The following PDZD4 variants were observed in gnomAD, a reference collection of about 807,000 sequenced individuals.
The protein encoded by PDZD4 is PDZ domain containing 4, also known as PDZ domain-containing protein 4.
In PDZD4, 9 loss-of-function variants were observed where a neutral mutation model predicts 38.5. That is an observed-to-expected ratio of 0.23 (90% confidence interval 0.14 to 0.41). PDZD4 has a LOEUF of 0.41. Among genes scored for constraint, PDZD4 ranks in the 10% least tolerant of loss-of-function variants. The pLI, the probability that PDZD4 is intolerant of heterozygous loss-of-function variation, is 1.00. For missense variants in PDZD4, 612 were observed against 722.0 expected, an observed-to-expected ratio of 0.85 and a Z score of 1.75; for synonymous variants, 349 against 315.7, an observed-to-expected ratio of 1.11 and a Z score of -1.12.
At chrX:153,807,791 C>A (rs1484490885) in intron 2 of PDZD4, 4 of 937,996 alleles carry the variant, frequency 4.3e-6, no homozygotes, top group Admixed American at 3.2e-5. Context: ...CACCCTACCT[C>A]CAGGGGCTGC....
rs781896560 is a variant in PDZD4 at position 153,803,261 on chromosome X, G to GCA, written c.*90_*91dup. ...GTGCGCACAGCGAGCACGCGCGCGCGCACACACACACACACACAATCTCTA... is the reference window on the plus strand; with the variant it reads ...GTGCGCACAGCGAGCACGCGCGCGCGCACACACACACACACACACAATCTCTA... On this transcript the variant is annotated 3_prime_UTR_variant, in exon 8 of 8. Coordinates refer to ENST00000393758, the MANE Select transcript of PDZD4 (RefSeq NM_001303512.2). The GCA allele has an allele frequency of 4.2e-3, 2,415 of 576,196 alleles. 5 individuals carry two copies. Among genetic ancestry groups the GCA allele is most frequent in the African/African-American group, 0.012 (515 of 42,056 alleles). The allele number at this position is 576,196 out of a possible 1,213,427, so 47.5% of individuals were successfully genotyped here.
chrX:153,817,170 G>A (rs996641245), intron 1 of PDZD4, among the ~76,000 whole-genome samples: 5 of 111,372 alleles, frequency 4.5e-5, no homozygotes, highest in African/African-American at 1.6e-4. Context: ...GTGCAGCCAG[G>A]GAAGCAGTCT....
chrX:153,807,151 G>T (rs2064259309), intron 3 of PDZD4, 128 bp downstream of exon 3: 1 of 653,210 alleles, frequency 1.5e-6, no homozygotes, highest in Non-Finnish European at 2.3e-6. Context: ...AACCTCACCC[G>T]CACCCTCCCT....
At position 153,803,929 on chromosome X, in the gene PDZD4, G is replaced by T; in HGVS notation, c.1752C>A (p.Gly584=). ...GCTGCACGCAGCTGTGGTAGTGCTC[G>T]CCCTCCTGGCCCTGGCCGCGGTGGC... The part of the protein sequence containing the change: ...SRRHRGQGQE[G]EHYHSCVQLA... Residue 584 remains glycine, a synonymous_variant, in exon 8 of 8, where the codon GGC becomes GGA. Transcript: ENST00000393758. 1 of 1,169,950 alleles carries T rather than the reference G, an allele frequency of 8.5e-7. No homozygotes were observed. The highest frequency in any genetic ancestry group is 1.1e-6 in the Non-Finnish European group (1 of 876,497).
chrX:153,804,250 G>A lies in PDZD4; in HGVS notation c.1431C>T (p.Tyr477=), dbSNP rs2092198462. 2 of 1,207,455 alleles carry A rather than the reference G, an allele frequency of 1.7e-6. No homozygotes were observed. Among genetic ancestry groups the A allele is most frequent in the African/African-American group, 1.7e-5 (1 of 57,574 alleles). Residue 477 remains tyrosine (Y), a synonymous_variant, in exon 8 of 8, where the codon TAC becomes TAT. Coordinates refer to ENST00000393758, the MANE Select transcript of PDZD4 (RefSeq NM_001303512.2). ...TGCTGCGGCAGCTCTCCCCAGTGTT[G>A]TAGGCGCTGGTGCTGTCCTTGTCCG... ...EKSDKDSTSA[Y]NTGESCRSTP... is the part of the protein sequence containing the mutation.
rs375315021 is a variant in PDZD4, at chrX:153,808,610, C to T, written c.61-15G>A. 7.3e-5 allele frequency: 83 copies of T among 1,140,958 alleles called. No individual in the cohort carries two copies. The African/African-American group carries it at 1.2e-3, about 17-fold the overall frequency. 94.0% of individuals were successfully genotyped at this position (1,140,958 alleles called of 1,213,427 possible). A position where few individuals can be genotyped will look rare whatever the true frequency, so the allele number is the denominator to read the frequency against. On this transcript the variant is annotated splice_polypyrimidine_tract_variant and intron_variant, in intron 1 of 7. Coordinates refer to ENST00000393758, the MANE Select transcript of PDZD4 (RefSeq NM_001303512.2). ...TTCCCGTTCACCTGCGGCAGAGACA[C>T]GCCTCCGTAAGAACCCTCAAAGGCT...
At chrX:153,824,410 G>C (rs1488601930) in intron 1 of PDZD4, among the ~76,000 whole-genome samples, 2 of 111,733 alleles carry the variant, frequency 1.8e-5, no homozygotes, top group African/African-American at 6.5e-5. Context: ...TTGACTGAGA[G>C]TCCAGCTTTC....
intron 2 of PDZD4, 86 bp downstream of exon 2, chrX:153,808,256 C>T: frequency 9.0e-7 from 1 of 1,105,984 alleles, no homozygotes; most frequent in Non-Finnish European, 1.2e-6. Context: ...CTGCTTCCTG[C>T]CCGAGAGGGT....
intron 1 of PDZD4, among the ~76,000 whole-genome samples, chrX:153,816,130 C>T (rs929756620): frequency 1.0e-5 from 1 of 99,958 alleles, no homozygotes; most frequent in Non-Finnish European, 2.0e-5. Flanking sequence ...CACCGCCACC[C>T]CCAGCCCCTC....
At chrX:153,806,254 T>C in intron 4 of PDZD4, 121 bp from the exon 5 acceptor site, 1 of 695,536 alleles carries the variant, frequency 1.4e-6, no homozygotes, top group Non-Finnish European at 2.3e-6. Flanking sequence ...CTTCCAGCTC[T>C]GAGCCCCAGG....
intron 1 of PDZD4, 38 bp downstream of exon 1, chrX:153,830,201 G>A: frequency 8.6e-7 from 1 of 1,169,314 alleles, no homozygotes; most frequent in South Asian, 1.9e-5. Context: ...TCCTCCCCGC[G>A]GAGGGCCGCG....
intron 2 of PDZD4, 36 bp from the exon 3 acceptor site, chrX:153,807,405 C>T: frequency 8.8e-7 from 1 of 1,140,175 alleles, no homozygotes; most frequent in Non-Finnish European, 1.2e-6. Flanking sequence ...ACCAGCTGGC[C>T]ATCCTCTCAC....
rs112383108 is a variant in PDZD4 at position 153,805,699 on chromosome X, G to A, written c.568-93C>T. The A allele has an allele frequency of 2.8e-3, 1,781 of 644,695 alleles. 26 individuals carry two copies. The African/African-American group carries it at 0.034, about 12-fold the overall frequency. 53.1% of individuals were successfully genotyped at this position (644,695 alleles called of 1,213,427 possible). ...CAGGGAGCCCAAGCACTCTGGGCTC[G>A]GCTGGGCTAGGCTGGGGCTTGAGCT... On this transcript the variant is annotated intron_variant, in intron 5 of 7. Transcript: ENST00000393758.
Position 153,803,869 on chromosome X carries a change from G to T in PDZD4, c.1812C>A (p.His604Gln). 1 of 1,187,043 alleles carries T rather than the reference G, an allele frequency of 8.4e-7. No homozygotes were observed. Among genetic ancestry groups the T allele is most frequent in the Non-Finnish European group, 1.1e-6 (1 of 885,726 alleles). The change falls in exon 8 of 8, where the codon CAC becomes CAA. Residue 604 changes from histidine (H) to glutamine (Q), a missense_variant. Coordinates refer to ENST00000393758, the MANE Select transcript of PDZD4 (RefSeq NM_001303512.2). Reference protein sequence around the residue: ...APTRGLEELGHGPLSLAGGPR... With the variant: ...APTRGLEELGQGPLSLAGGPR... Reference sequence around the variant, plus strand: ...GGCCACCGGCCAAGCTCAGGGGGCCGTGGCCCAGCTCCTCCAGGCCTCGCG... The same window carrying T: ...GGCCACCGGCCAAGCTCAGGGGGCCTTGGCCCAGCTCCTCCAGGCCTCGCG...
Position 153,804,224 on chromosome X carries a change from G to T in PDZD4, c.1457C>A (p.Thr486Asn). ...AYNTGESCRS[T>N]PLLVEPLPES... ...GGGCAGGGGCTCCACAAGCAGCGGGGTGCTGCGGCAGCTCTCCCCAGTGTT... is the reference window on the plus strand; with the variant it reads ...GGGCAGGGGCTCCACAAGCAGCGGGTTGCTGCGGCAGCTCTCCCCAGTGTT... Residue 486 changes from threonine to asparagine, a missense_variant, in exon 8 of 8, where the codon ACC becomes AAC. Thr to Asn is a moderately conservative substitution (Grantham distance 65). Around this residue, in one of 3 missense-constraint regions of PDZD4, gnomAD observed 300 missense variants for 284.6 expected, o/e 1.05. Coordinates refer to ENST00000393758, the MANE Select transcript of PDZD4 (RefSeq NM_001303512.2). 1 of 1,206,207 alleles carries T rather than the reference G, an allele frequency of 8.3e-7. No homozygotes were observed. The highest frequency in any genetic ancestry group is 3.0e-5 in the East Asian group (1 of 33,696).
chrX:153,814,202 G>A (rs1317825182), intron 1 of PDZD4, among the ~76,000 whole-genome samples: 1 of 111,331 alleles, frequency 9.0e-6, no homozygotes, highest in Non-Finnish European at 1.9e-5. Context: ...TGCCCAGCAC[G>A]GAGGCTCACG....
In PDZD4 at chrX:153,803,737, T is replaced by G. The variant is rs1557075427; in HGVS notation, c.1944A>C (p.Arg648=). Residue 648 remains arginine (R), a synonymous_variant, in exon 8 of 8, where the codon CGA becomes CGC. Coordinates refer to ENST00000393758, the MANE Select transcript of PDZD4 (RefSeq NM_001303512.2). The part of the protein sequence containing the change: ...GTRYVAKRPV[R]DRLLKARALK... ...GGGCACGGGCTTTCAGCAGCCGATC[T>G]CGCACGGGCCGCTTGGCCACGTAGC... is the stretch of plus-strand genomic sequence containing the variant. 8.3e-7 allele frequency: 1 copy of G among 1,208,501 alleles called. No individual in the cohort carries two copies. The highest frequency in any genetic ancestry group is 1.8e-5 in the South Asian group (1 of 56,955).
chrX:153,829,829 C>G, intron 1 of PDZD4: 1 of 768,119 alleles, frequency 1.3e-6, no homozygotes. Flanking sequence ...ACTTGGACCG[C>G]GCCCGGGGAC....
At chrX:153,805,256 A>C in intron 6 of PDZD4, 49 bp from the exon 7 acceptor site, 2 of 1,063,246 alleles carry the variant, frequency 1.9e-6, no homozygotes, top group Non-Finnish European at 2.6e-6. Flanking sequence ...ACCTCCCCAT[A>C]TACCCTTCTT....
Sources: allele counts gnomAD v4.1 joint callset (sites outside exome capture counted in the v4.1 genomes callset), GRCh38; gene constraint gnomAD v4.1.1; regional missense constraint gnomAD v4.1.1; transcripts MANE v1.5; gene names NCBI Gene and HGNC (gene_info 2026-07-23, HGNC 2026-07-21).